STIMATE: variants seen among roughly 807,000 people sequenced by gnomAD.
STIMATE encodes the protein store-operated calcium entry regulator STIMATE.
In STIMATE, 15 loss-of-function variants were observed where a neutral mutation model predicts 36.7. The ratio of observed to expected loss-of-function variants is 0.41; its 90% CI spans 0.27 to 0.63. The LOEUF (loss-of-function observed/expected upper bound fraction) is 0.63, where lower values mean the gene tolerates loss of function less well. Among genes scored for constraint, STIMATE ranks in the 20% least tolerant of loss-of-function variants. The pLI is 0.32. For synonymous variants in STIMATE, 163 were observed against 162.3 expected, an observed-to-expected ratio of 1.00 and a Z score of -0.03; for missense variants, 305 against 397.3, an observed-to-expected ratio of 0.77 and a Z score of 1.98.
intron 1 of STIMATE, among the ~76,000 whole-genome samples, chr3:52,888,259 C>T (rs777869483): frequency 6.6e-6 from 1 of 152,092 alleles, no homozygotes; most frequent in Non-Finnish European, 1.5e-5. Context: ...TCAGACACCC[C>T]CAAGGCAAAG....
At chr3:52,862,730 AC>A (rs1195159467) in intron 1 of STIMATE, among the ~76,000 whole-genome samples, 2 of 152,186 alleles carry the variant, frequency 1.3e-5, no homozygotes, top group East Asian at 3.8e-4. Context: ...ATGTCCCACA[AC>A]CCCTGATACC....
At chr3:52,855,162 G>A (rs192098290) in intron 2 of STIMATE, among the ~76,000 whole-genome samples, 3 of 152,306 alleles carry the variant, frequency 2.0e-5, no homozygotes, top group Admixed American at 2.0e-4. Flanking sequence ...AGAAGTGGAA[G>A]CAGAGTGATT....
intron 4 of STIMATE, among the ~76,000 whole-genome samples, chr3:52,845,259 T>C (rs1171373948): frequency 1.3e-5 from 2 of 152,244 alleles, no homozygotes; most frequent in South Asian, 4.1e-4. Flanking sequence ...TTCTGCCGGC[T>C]GGCAGCAGAA....
At chr3:52,878,132 T>C (rs527693085) in intron 1 of STIMATE, among the ~76,000 whole-genome samples, 29 of 150,248 alleles carry the variant, frequency 1.9e-4, no homozygotes, top group Admixed American at 1.7e-3. Context: ...TCACCTCCCC[T>C]ATCTTGAGAA....
At chr3:52,879,348 C>A (rs144164485) in intron 1 of STIMATE, among the ~76,000 whole-genome samples, 12 of 152,290 alleles carry the variant, frequency 7.9e-5, no homozygotes, top group African/African-American at 2.9e-4. Context: ...AACAAATCAT[C>A]ACCCGCTATG....
intron 1 of STIMATE, among the ~76,000 whole-genome samples, chr3:52,885,151 G>A (rs1003594139): frequency 1.3e-5 from 2 of 152,030 alleles, no homozygotes; most frequent in Non-Finnish European, 2.9e-5. Flanking sequence ...ATTTTAATTT[G>A]CATTTTCCTG....
chr3:52,843,604 T>G, intron 6 of STIMATE, 117 bp downstream of exon 6: 1 of 1,465,698 alleles, frequency 6.8e-7, no homozygotes, highest in Non-Finnish European at 9.3e-7. Flanking sequence ...AGGTGGCAAA[T>G]GGTCACGCAA....
chr3:52,896,258 G>A (rs1002994656), intron 1 of STIMATE, among the ~76,000 whole-genome samples: 5 of 152,190 alleles, frequency 3.3e-5, no homozygotes, highest in Admixed American at 3.3e-4. Context: ...CATACTTTCT[G>A]CAGGAACTCT....
At chr3:52,894,667 G>A (rs1329773904) in intron 1 of STIMATE, among the ~76,000 whole-genome samples, 1 of 152,004 alleles carries the variant, frequency 6.6e-6, no homozygotes, top group Non-Finnish European at 1.5e-5. Context: ...AAATCAGGGA[G>A]GTGAAGTAAG....
At chr3:52,871,967 A>ACCCTGC (rs747561408) in intron 1 of STIMATE, among the ~76,000 whole-genome samples, 63 of 152,006 alleles carry the variant, frequency 4.1e-4, no homozygotes, top group Non-Finnish European at 7.8e-4. Context: ...CACAAGTTCC[A>ACCCTGC]CCCTGCCCCT....
At chr3:52,855,829 C>T (rs576540767) in intron 1 of STIMATE, among the ~76,000 whole-genome samples, 1 of 152,336 alleles carries the variant, frequency 6.6e-6, no homozygotes, top group African/African-American at 2.4e-5. Flanking sequence ...TTACTGAGTG[C>T]CTACTCCAAC....
At chr3:52,885,683 C>T (rs895728114) in intron 1 of STIMATE, among the ~76,000 whole-genome samples, 1 of 152,218 alleles carries the variant, frequency 6.6e-6, no homozygotes, top group African/African-American at 2.4e-5. Context: ...CTGCATAGCT[C>T]TTTTTCCTCT....
chr3:52,855,276 T>G, intron 2 of STIMATE, 120 bp downstream of exon 2: 1 of 1,234,716 alleles, frequency 8.1e-7, no homozygotes, highest in Non-Finnish European at 1.1e-6. Context: ...ATACATTATA[T>G]TATGTATCAT....
chr3:52,845,464 C>T (rs1227716181), intron 4 of STIMATE, among the ~76,000 whole-genome samples: 1 of 152,202 alleles, frequency 6.6e-6, no homozygotes, highest in African/African-American at 2.4e-5. Flanking sequence ...GATACCTCAG[C>T]CTCTTGAGAG....
At position 52,836,969 on chromosome 3, in the gene STIMATE, AC is replaced by A; in HGVS notation, c.*3524del. The A allele has an allele frequency of 5.3e-6, 1 of 188,726 alleles. No homozygotes were observed. The highest frequency in any genetic ancestry group is 9.7e-5 in the South Asian group (1 of 10,310). The allele number at this position is 188,726 out of a possible 1,614,324, so 11.7% of individuals were successfully genotyped here. On this transcript the variant is annotated 3_prime_UTR_variant, in exon 8 of 8. Coordinates refer to ENST00000355083, the MANE Select transcript of STIMATE (RefSeq NM_198563.5). ...AAATTTAAAACAACCCAACCAACCAACCACCAACCAACCCAGGAGCTCAAGG... is the reference window on the plus strand; with the variant it reads ...AAATTTAAAACAACCCAACCAACCAACACCAACCAACCCAGGAGCTCAAGG...
At chr3:52,886,602 C>A (rs1701690013) in intron 1 of STIMATE, among the ~76,000 whole-genome samples, 1 of 152,214 alleles carries the variant, frequency 6.6e-6, no homozygotes, top group Non-Finnish European at 1.5e-5. Context: ...GGCTGGAGGA[C>A]CTTCACTCTG....
chr3:52,874,987 A>C (rs905402590), intron 1 of STIMATE, among the ~76,000 whole-genome samples: 1 of 152,220 alleles, frequency 6.6e-6, no homozygotes, highest in Non-Finnish European at 1.5e-5. Flanking sequence ...CTAAGAGAAA[A>C]GCTTCCAGCA....
Position 52,840,273 on chromosome 3 carries a change from G to A in STIMATE, c.*221C>T. The A allele has an allele frequency of 2.0e-6, 1 of 500,302 alleles. No individual in the cohort carries two copies. Among genetic ancestry groups the A allele is most frequent in the East Asian group, 3.4e-5 (1 of 29,572 alleles). 31.0% of individuals were successfully genotyped at this position (500,302 alleles called of 1,614,324 possible). ...TTTGGTCAGTGTTTGTAGTGCAACT[G>A]AATGGGGACCTCCAGCCGCCAGTGG... On this transcript the variant is annotated 3_prime_UTR_variant, in exon 8 of 8. Coordinates refer to ENST00000355083, the MANE Select transcript of STIMATE (RefSeq NM_198563.5).
chr3:52,862,772 C>G (rs992107838), intron 1 of STIMATE, among the ~76,000 whole-genome samples: 2 of 152,060 alleles, frequency 1.3e-5, no homozygotes, highest in Non-Finnish European at 2.9e-5. Context: ...GAGAAAAGGT[C>G]TTGGCAGATG....
Sources: allele counts gnomAD v4.1 joint callset (sites outside exome capture counted in the v4.1 genomes callset), GRCh38; gene constraint gnomAD v4.1.1; transcripts MANE v1.5; gene names NCBI Gene and HGNC (gene_info 2026-07-23, HGNC 2026-07-21).